Variants in NHSL3 observed in about 807,000 individuals in gnomAD.
The protein encoded by NHSL3 is NHS like 3, also known as NHS-like protein 3.
chr1:32,770,980 C>T, the NHSL3 span: 2 of 936,856 alleles, frequency 2.1e-6, no homozygotes, highest in East Asian at 9.7e-5. This position sits in a 1 kb window ranked among gnomAD's most constrained non-coding sequence, Gnocchi z 8.3. Context: ...CCTGGCAGGT[C>T]CCCCTGCTTC....
the NHSL3 span, among the ~76,000 whole-genome samples, chr1:32,752,950 CATATATATAT>C: frequency 0.14 from 5,915 of 42,086 alleles, 256 homozygotes; most frequent in Middle Eastern, 0.15. Context: ...CACACACACA[CATATATATAT>C]ATATATATTT....
chr1:32,763,264 G>A, the NHSL3 span, among the ~76,000 whole-genome samples: 3 of 152,070 alleles, frequency 2.0e-5, no homozygotes, highest in Admixed American at 6.6e-5. Flanking sequence ...GGTTACAGGC[G>A]TGAGCCACCG....
the NHSL3 span, chr1:32,772,277 T>TCCCC: frequency 1.3e-6 from 2 of 1,587,346 alleles, no homozygotes; most frequent in Non-Finnish European, 1.7e-6. Context: ...TCTGTGGGAG[T>TCCCC]CCCCCCACCC....
At chr1:32,749,483 G>A in the NHSL3 span, among the ~76,000 whole-genome samples, 1 of 152,068 alleles carries the variant, frequency 6.6e-6, no homozygotes, top group East Asian at 1.9e-4. Context: ...ATGTCATAGG[G>A]AGCCCTCATG....
the NHSL3 span, chr1:32,769,845 C>G: frequency 6.2e-7 from 1 of 1,611,458 alleles, no homozygotes; most frequent in Non-Finnish European, 8.5e-7. Context: ...GTCATCCCCT[C>G]TCTGCTGACC....
At chr1:32,767,276 C>A in the NHSL3 span, among the ~76,000 whole-genome samples, 12 of 152,188 alleles carry the variant, frequency 7.9e-5, no homozygotes, top group African/African-American at 2.9e-4. Flanking sequence ...TATGTGTATA[C>A]TCGGGATGTT....
the NHSL3 span, among the ~76,000 whole-genome samples, chr1:32,768,370 G>C: frequency 6.6e-6 from 1 of 152,218 alleles, no homozygotes; most frequent in African/African-American, 2.4e-5. Flanking sequence ...GAGGTGGGCG[G>C]ATCACTTGAG....
the NHSL3 span, chr1:32,771,584 C>G: frequency 6.2e-7 from 1 of 1,612,998 alleles, no homozygotes; most frequent in Non-Finnish European, 8.5e-7. Flanking sequence ...AGCCCTGAGC[C>G]TGCAGGCCCT....
chr1:32,771,025 GTC>G, the NHSL3 span: 2 of 1,612,698 alleles, frequency 1.2e-6, no homozygotes, highest in African/African-American at 2.7e-5. Flanking sequence ...ACCAGAGCGT[GTC>G]ACGTCTCTTC....
the NHSL3 span, among the ~76,000 whole-genome samples, chr1:32,764,386 T>A: frequency 6.6e-6 from 1 of 152,248 alleles, no homozygotes; most frequent in Non-Finnish European, 1.5e-5. Flanking sequence ...CAAGATAAAG[T>A]TCTTCTCCAT....
the NHSL3 span, among the ~76,000 whole-genome samples, chr1:32,752,956 T>TACACACAC: frequency 6.4e-3 from 26 of 4,088 alleles, no homozygotes; most frequent in African/African-American, 9.7e-3. Flanking sequence ...CACACATATA[T>TACACACAC]ATATATATAT....
the NHSL3 span, chr1:32,771,523 C>A: frequency 1.9e-6 from 3 of 1,595,304 alleles, no homozygotes; most frequent in South Asian, 1.1e-5. Context: ...GGAGCAGGAC[C>A]TGTCCATGGC....
At chr1:32,773,678 G>A in the NHSL3 span, 1 of 152,804 alleles carries the variant, frequency 6.5e-6, no homozygotes, top group African/African-American at 2.4e-5. Flanking sequence ...ACTTGGCAGT[G>A]TCAAGCACCT....
At chr1:32,751,613 G>A in the NHSL3 span, among the ~76,000 whole-genome samples, 1 of 152,128 alleles carries the variant, frequency 6.6e-6, no homozygotes, top group African/African-American at 2.4e-5. Context: ...AATGTCTGTG[G>A]GGCCTTCATT....
At chr1:32,772,546 T>G in the NHSL3 span, 1 of 1,447,978 alleles carries the variant, frequency 6.9e-7, no homozygotes, top group Non-Finnish European at 9.1e-7. Flanking sequence ...ACTTTTCTGG[T>G]CTGAGAATGC....
At chr1:32,754,250 G>A in the NHSL3 span, 2 of 673,324 alleles carry the variant, frequency 3.0e-6, no homozygotes, top group South Asian at 1.6e-5. Context: ...CACCGCTGCT[G>A]CCCCCTCCCG....
the NHSL3 span, among the ~76,000 whole-genome samples, chr1:32,756,176 A>G: frequency 1.6e-4 from 25 of 152,322 alleles, no homozygotes; most frequent in Admixed American, 3.9e-4. Flanking sequence ...GGGGCTAGGA[A>G]ATATTCTAGG....
chr1:32,770,949 T>TTCCCCCCAC, the NHSL3 span: 1 of 1,563,256 alleles, frequency 6.4e-7, no homozygotes, highest in Non-Finnish European at 8.8e-7. The surrounding 1 kb of genome is among the most constrained non-coding windows in gnomAD (Gnocchi z 8.3). Context: ...AAAGTGGTAC[T>TTCCCCCCAC]CCCACCCTCC....
chr1:32,769,655 C>T, the NHSL3 span: 9 of 1,594,092 alleles, frequency 5.6e-6, no homozygotes, highest in East Asian at 1.6e-4. Context: ...CAGTTTTTCT[C>T]CCACGACTGG....
Sources: gnomAD v4.1 joint callset for allele counts (sites outside exome capture counted in the v4.1 genomes callset) on GRCh38, gnomAD v4.1.1 for gene constraint, Gnocchi (gnomAD v3.1) non-coding constraint, MANE v1.5 for transcripts, NCBI Gene and HGNC (gene_info 2026-07-23, HGNC 2026-07-21) for gene names.